SEZ6L: variants seen among roughly 807,000 people sequenced by gnomAD.
SEZ6L encodes the protein seizure related 6 homolog like.
In SEZ6L, 37 loss-of-function variants were observed where a neutral mutation model predicts 106.2. That is an observed-to-expected ratio of 0.35 (90% CI 0.27 to 0.46). The LOEUF (loss-of-function observed/expected upper bound fraction) is 0.46. SEZ6L is among the 20% of genes least tolerant of loss of function. The probability of loss-of-function intolerance (pLI) is 1.00; values close to 1 mark genes in which losing one functional copy is unlikely to be tolerated. For missense variants in SEZ6L, 1,172 were observed against 1,332.8 expected (o/e 0.88, Z 1.88); for synonymous variants, 541 against 570.4 (o/e 0.95, Z 0.73).
chr22:26,372,722 TG>T (rs1426141878), intron 13 of SEZ6L, among the ~76,000 whole-genome samples: 1 of 152,346 alleles, frequency 6.6e-6, no homozygotes, highest in East Asian at 1.9e-4. Context: ...ATGACAAAGA[TG>T]GGGTGCCAGT....
At chr22:26,268,402 A>C (rs1374411079) in intron 1 of SEZ6L, among the ~76,000 whole-genome samples, 4 of 152,198 alleles carry the variant, frequency 2.6e-5, no homozygotes, top group Admixed American at 1.3e-4. Context: ...CTCAGCAAGG[A>C]GGGGCAACAT....
chr22:26,265,017 G>A (rs766349725), intron 1 of SEZ6L, among the ~76,000 whole-genome samples: 5 of 152,150 alleles, frequency 3.3e-5, no homozygotes, highest in Non-Finnish European at 5.9e-5. Context: ...ATGTGTTTTA[G>A]GGGTGGAGGA....
chr22:26,337,872 C>G (rs188613239), intron 9 of SEZ6L, among the ~76,000 whole-genome samples: 1 of 152,172 alleles, frequency 6.6e-6, no homozygotes, highest in Non-Finnish European at 1.5e-5. Context: ...TGAGGAACTA[C>G]GAGAGGTATG....
intron 1 of SEZ6L, among the ~76,000 whole-genome samples, chr22:26,281,268 T>C (rs1043753146): frequency 1.3e-5 from 2 of 152,192 alleles, no homozygotes; most frequent in South Asian, 2.1e-4. Context: ...CGTAATGCAC[T>C]GCGTCACTAT....
intron 1 of SEZ6L, among the ~76,000 whole-genome samples, chr22:26,181,610 A>T (rs1412472043): frequency 6.6e-6 from 1 of 152,200 alleles, no homozygotes. Flanking sequence ...CGACTGTGTA[A>T]GCTTGAGTAA....
intron 4 of SEZ6L, among the ~76,000 whole-genome samples, chr22:26,297,900 C>T (rs80190860): frequency 6.6e-6 from 1 of 151,844 alleles, no homozygotes; most frequent in Non-Finnish European, 1.5e-5. Flanking sequence ...TCCTATGCAG[C>T]TCCCATGACC....
At chr22:26,290,539 T>TAAATAAAATA (rs71312994) in intron 1 of SEZ6L, among the ~76,000 whole-genome samples, 50 of 151,326 alleles carry the variant, frequency 3.3e-4, no homozygotes, top group Non-Finnish European at 3.7e-4. Flanking sequence ...CTCAAAAAAA[T>TAAATAAAATA]AAATAAAATA....
intron 1 of SEZ6L, among the ~76,000 whole-genome samples, chr22:26,208,850 C>CTCTGTGTG (rs1169195734): frequency 9.0e-6 from 1 of 111,694 alleles, no homozygotes; most frequent in Non-Finnish European, 1.9e-5. Context: ...GACTCTCTCT[C>CTCTGTGTG]TGTGTGTGTG....
Position 26,365,483 on chromosome 22 carries a change from G to A in SEZ6L, c.2711G>A (p.Gly904Asp). 6.2e-7 allele frequency: 1 copy of A among 1,614,200 alleles called. No homozygotes were observed. The highest frequency in any genetic ancestry group is 8.5e-7 in the Non-Finnish European group (1 of 1,180,020). ...GESLTFMCYE[G>D]FELMGEVTIR... is the part of the protein sequence containing the mutation. ...TCCCTCACCTTCATGTGCTACGAAG[G>A]CTTTGAGCTCATGGGTGAAGTGACC... Residue 904 changes from glycine (G) to aspartate (D), a missense_variant, in exon 13 of 17, where the codon GGC (glycine) becomes GAC (aspartate). Around this residue, in one of 4 missense-constraint regions of SEZ6L, gnomAD observed 141 missense variants for 176.0 expected, o/e 0.80. Transcript: ENST00000248933.
intron 1 of SEZ6L, among the ~76,000 whole-genome samples, chr22:26,219,270 T>C (rs866141949): frequency 3.3e-5 from 5 of 150,608 alleles, no homozygotes; most frequent in African/African-American, 1.2e-4. Flanking sequence ...TTTTTTTTTT[T>C]CGCTCCTGGC....
chr22:26,312,656 C>T (rs1002667795), intron 8 of SEZ6L, among the ~76,000 whole-genome samples: 28 of 152,172 alleles, frequency 1.8e-4, no homozygotes, highest in African/African-American at 4.6e-4. Flanking sequence ...CTGCAGCCTC[C>T]GCTTCCCGGG....
At chr22:26,349,776 G>A (rs924199194) in intron 11 of SEZ6L, among the ~76,000 whole-genome samples, 4 of 152,210 alleles carry the variant, frequency 2.6e-5, no homozygotes, top group Non-Finnish European at 4.4e-5. Flanking sequence ...ATGAGCCACC[G>A]CACCCAGCAG....
rs1556371589 is a variant in SEZ6L, at chr22:26,348,646, A to AAGAAAGAAAGAGAAAGAAAG, written c.2407+734_2407+735insGAAAGAAAGAGAAAGAAAGA. The stretch of plus-strand genomic sequence containing the variant: ...AAAGAAAGAAAGAAAGAAAGAAAGA[A>AAGAAAGAAAGAGAAAGAAAG]AAAGAAAGAAAGAAAGAAAGAAAGA... On this transcript the variant is annotated intron_variant, in intron 11 of 16. Transcript: ENST00000248933. Among the ~76,000 whole-genome samples the AAGAAAGAAAGAGAAAGAAAG allele has an allele frequency of 3.9e-4, 3 of 7,692 alleles. No homozygotes were observed. The East Asian group carries it at 0.015, about 40-fold the overall frequency. 5.0% of individuals were successfully genotyped at this position (7,692 alleles called of 152,430 possible).
In SEZ6L at chr22:26,348,683, A is replaced by G. The variant is rs192450095; in HGVS notation, c.2407+770A>G. ...GAAAGAAAGAAAGAAAGAAAGAAAGAAAGAAAGAAAGAAAGAAAGAAGGCA... is the reference window on the plus strand; with the variant it reads ...GAAAGAAAGAAAGAAAGAAAGAAAGGAAGAAAGAAAGAAAGAAAGAAGGCA... On this transcript the variant is annotated intron_variant, in intron 11 of 16. Transcript: ENST00000248933. 5.1e-3 allele frequency among the ~76,000 whole-genome samples: 339 copies of G among 65,924 alleles called. 1 individual carries two copies. The highest frequency in any genetic ancestry group is 8.6e-3 in the East Asian group (15 of 1,740). 43.2% of individuals were successfully genotyped at this position (65,924 alleles called of 152,430 possible).
At chr22:26,215,257 A>T (rs929180762) in intron 1 of SEZ6L, among the ~76,000 whole-genome samples, 7 of 152,240 alleles carry the variant, frequency 4.6e-5, no homozygotes, top group Non-Finnish European at 8.8e-5. Context: ...TTCACTAGGT[A>T]TATGGGCTTG....
chr22:26,268,216 G>A (rs1449007876), intron 1 of SEZ6L, among the ~76,000 whole-genome samples: 2 of 152,204 alleles, frequency 1.3e-5, no homozygotes, highest in Non-Finnish European at 2.9e-5. Context: ...CATGCACAAT[G>A]ACTTTGTCCT....
chr22:26,284,630 A>C (rs1296643971), intron 1 of SEZ6L, among the ~76,000 whole-genome samples: 1 of 147,208 alleles, frequency 6.8e-6, no homozygotes, highest in Non-Finnish European at 1.5e-5. Context: ...AAAAAAAAAA[A>C]AACCCTAATG....
chr22:26,235,945 G>A (rs968685653), intron 1 of SEZ6L, among the ~76,000 whole-genome samples: 1 of 152,256 alleles, frequency 6.6e-6, no homozygotes, highest in Non-Finnish European at 1.5e-5. Context: ...AGCTGCATGA[G>A]TCACTGGGCT....
intron 1 of SEZ6L, among the ~76,000 whole-genome samples, chr22:26,175,479 A>C (rs1029348719): frequency 1.3e-5 from 2 of 152,162 alleles, no homozygotes; most frequent in Non-Finnish European, 2.9e-5. Flanking sequence ...GAAATGTGTG[A>C]GAAAGACCGT....
Sources: allele counts gnomAD v4.1 joint callset (sites outside exome capture counted in the v4.1 genomes callset), GRCh38; gene constraint gnomAD v4.1.1; regional missense constraint gnomAD v4.1.1; transcripts MANE v1.5; gene names NCBI Gene and HGNC (gene_info 2026-07-23, HGNC 2026-07-21).